Variants in NID1 observed in about 807,000 individuals in gnomAD.
The protein encoded by NID1 is nidogen 1.
Under a neutral mutation model 130.6 loss-of-function variants are expected in NID1, and 76 were observed. That is an observed-to-expected ratio of 0.58 (90% CI 0.48 to 0.70). The LOEUF (loss-of-function observed/expected upper bound fraction) is 0.70. Among genes scored for constraint, NID1 ranks in the 30% least tolerant of loss-of-function variants. The pLI is 0.00. For missense variants in NID1, 1,517 were observed against 1,664.8 expected (o/e 0.91, Z 1.54); for synonymous variants, 665 against 675.1 (o/e 0.98, Z 0.23).
At chr1:236,043,593 T>C (rs1320026451) in intron 3 of NID1, among the ~76,000 whole-genome samples, 2 of 151,992 alleles carry the variant, frequency 1.3e-5, no homozygotes, top group Admixed American at 6.6e-5. Context: ...GGTCAGGAGA[T>C]CGAGACCATC....
In NID1 at chr1:236,011,907, T is replaced by TC. The variant is rs1658436734; in HGVS notation, c.2527+13dup. The TC allele has an allele frequency of 6.2e-7, 1 of 1,613,054 alleles. No homozygotes were observed. The highest frequency in any genetic ancestry group is 8.5e-7 in the Non-Finnish European group (1 of 1,179,920). ...GGCAATGGGCTACCGACTCCAGATG[T>TC]CCCACCACCTTACCTCCGGGCACGC... On this transcript the variant is annotated intron_variant, in intron 12 of 19. Transcript: ENST00000264187.
At chr1:236,040,048 A>G (rs891391642) in intron 4 of NID1, among the ~76,000 whole-genome samples, 4 of 152,212 alleles carry the variant, frequency 2.6e-5, no homozygotes, top group Admixed American at 2.6e-4. Flanking sequence ...TTCAGTCTTA[A>G]GTAATACACT....
intron 11 of NID1, among the ~76,000 whole-genome samples, chr1:236,012,847 C>T (rs929942647): frequency 1.3e-5 from 2 of 152,220 alleles, no homozygotes; most frequent in Non-Finnish European, 1.5e-5. Context: ...ATTGTGCAAA[C>T]CAAGAAACTC....
At chr1:235,994,956 TC>T (rs1328799025) in intron 12 of NID1, among the ~76,000 whole-genome samples, 1 of 152,218 alleles carries the variant, frequency 6.6e-6, no homozygotes, top group Admixed American at 6.5e-5. Context: ...GCCAAAGATT[TC>T]AGGCACCAGA....
intron 13 of NID1, 57 bp from the exon 14 acceptor site, chr1:235,991,115 G>GGA: frequency 7.5e-7 from 1 of 1,339,686 alleles, no homozygotes; most frequent in East Asian, 2.7e-5. Flanking sequence ...ACACACAGAT[G>GGA]CACACACACA....
chr1:236,017,410 A>T, intron 9 of NID1, 137 bp from the exon 10 acceptor site: 1 of 939,020 alleles, frequency 1.1e-6, no homozygotes, highest in South Asian at 1.8e-5. Flanking sequence ...TCCGAGATGG[A>T]GTCTTGCTCT....
chr1:235,990,756 C>G, intron 14 of NID1, 130 bp downstream of exon 14: 2 of 927,054 alleles, frequency 2.2e-6, no homozygotes, highest in East Asian at 2.8e-5. Flanking sequence ...GATGGTCACC[C>G]AGGACTACAT....
intron 15 of NID1, among the ~76,000 whole-genome samples, chr1:235,984,147 T>A (rs1156784221): frequency 1.3e-5 from 2 of 152,168 alleles, no homozygotes; most frequent in Non-Finnish European, 2.9e-5. Context: ...CAACAGGAAA[T>A]AGCAAACAAT....
intron 9 of NID1, among the ~76,000 whole-genome samples, chr1:236,022,664 A>G (rs778839096): frequency 6.6e-6 from 1 of 151,806 alleles, no homozygotes; most frequent in African/African-American, 2.4e-5. Context: ...ACAGAAAACA[A>G]GTGTTTTCAA....
intron 3 of NID1, among the ~76,000 whole-genome samples, chr1:236,044,705 G>T (rs1283082767): frequency 6.6e-6 from 1 of 152,162 alleles, no homozygotes; most frequent in African/African-American, 2.4e-5. Context: ...AATGGGAGAG[G>T]AAAGGTTTTA....
chr1:235,977,761 G>A lies in NID1; in HGVS notation c.*106C>T. On this transcript the variant is annotated 3_prime_UTR_variant, in exon 20 of 20. Coordinates refer to ENST00000264187, the MANE Select transcript of NID1 (RefSeq NM_002508.3). ...TGGGGCTCAGGCTGGGCTGGGTCTGGGCCTAGTGGCCACTCAGCCAGAGGA... is the reference window on the plus strand; with the variant it reads ...TGGGGCTCAGGCTGGGCTGGGTCTGAGCCTAGTGGCCACTCAGCCAGAGGA... 7.5e-7 allele frequency: 1 copy of A among 1,332,892 alleles called. No homozygotes were observed. Among genetic ancestry groups the A allele is most frequent in the East Asian group, 2.3e-5 (1 of 43,020 alleles). The allele number at this position is 1,332,892 out of a possible 1,614,324, so 82.6% of individuals were successfully genotyped here.
chr1:235,978,716 T>C (rs766482504), intron 19 of NID1, among the ~76,000 whole-genome samples: 6 of 152,206 alleles, frequency 3.9e-5, no homozygotes, highest in Non-Finnish European at 7.3e-5. Context: ...GATCCTAACA[T>C]TGTAATATCC....
rs1462401657 is a variant in NID1, at chr1:236,023,951, C to CT, written c.2128+118_2128+119insA. On this transcript the variant is annotated intron_variant, in intron 9 of 19. Transcript: ENST00000264187. ...ATAAATAATTCAGGCCTGGCATGTC[C>CT]ACCAGTATTTATCTCATCCGTGCTT... 2.3e-6 allele frequency: 3 copies of CT among 1,326,184 alleles called. No individual in the cohort carries two copies. In the East Asian group the frequency reaches 7.1e-5, roughly 31 times the overall value. 82.2% of individuals were successfully genotyped at this position (1,326,184 alleles called of 1,614,324 possible).
Position 236,029,807 on chromosome 1 carries a change from G to A in NID1, c.1538-57C>T, listed in dbSNP as rs148902223. ...GACTGGGGAGCGCGCCCTTCTGCCC[G>A]CCCCAGGCTCACAGTGTGGAGTGGG... is the stretch of plus-strand genomic sequence containing the variant. On this transcript the variant is annotated intron_variant, in intron 6 of 19. Coordinates refer to ENST00000264187, the MANE Select transcript of NID1 (RefSeq NM_002508.3). 13 of 1,554,276 alleles carry A rather than the reference G, an allele frequency of 8.4e-6. No homozygotes were observed. In the East Asian group the frequency reaches 9.0e-5, roughly 11 times the overall value.
chr1:236,063,139 G>A (rs576207712), intron 1 of NID1, among the ~76,000 whole-genome samples: 1 of 120,928 alleles, frequency 8.3e-6, no homozygotes, highest in East Asian at 2.6e-4. Flanking sequence ...GTGCAACAGA[G>A]TGAGACTTCA....
Position 235,985,506 on chromosome 1 carries a change from C to T in NID1, c.2929-1G>A. 6.2e-7 allele frequency: 1 copy of T among 1,614,078 alleles called. No individual in the cohort carries two copies. Among genetic ancestry groups the T allele is most frequent in the Non-Finnish European group, 8.5e-7 (1 of 1,179,962 alleles). Reference sequence around the variant, plus strand: ...AGGCCAGTCCAATGATGACTTTAGCCTGGATGTGAAGACCAGTGGTTAGAA... The same window carrying T: ...AGGCCAGTCCAATGATGACTTTAGCTTGGATGTGAAGACCAGTGGTTAGAA... On this transcript the variant is annotated splice_acceptor_variant, in intron 14 of 19. Transcript: ENST00000264187. LOFTEE classifies it high-confidence loss of function.
chr1:235,981,920 T>C (rs1657446746), intron 15 of NID1, 138 bp from the exon 16 acceptor site: 3 of 756,514 alleles, frequency 4.0e-6, no homozygotes, highest in Non-Finnish European at 6.2e-6. Flanking sequence ...TGTGAAATGC[T>C]TGTTGTTTAT....
intron 12 of NID1, among the ~76,000 whole-genome samples, chr1:236,003,105 C>CACTCCTATTGAACGAG (rs1558428620): frequency 3.2e-4 from 34 of 106,490 alleles, no homozygotes; most frequent in Non-Finnish European, 4.0e-4. Context: ...TAGTGAACGA[C>CACTCCTATTGAACGAG]TGGTAGTTGT....
At chr1:236,009,935 C>T (rs1031168390) in intron 12 of NID1, among the ~76,000 whole-genome samples, 5 of 152,194 alleles carry the variant, frequency 3.3e-5, no homozygotes, top group South Asian at 2.1e-4. Context: ...TAACTTTGTC[C>T]CATCTTTAGA....
Sources: allele counts gnomAD v4.1 joint callset (sites outside exome capture counted in the v4.1 genomes callset), GRCh38; gene constraint gnomAD v4.1.1; transcripts MANE v1.5; gene names NCBI Gene and HGNC (gene_info 2026-07-23, HGNC 2026-07-21).